Variants in SLC7A6 observed in about 807,000 individuals in gnomAD.
SLC7A6 encodes solute carrier family 7 member 6, also known as Y+L amino acid transporter 2.
SLC7A6 carries 29 observed loss-of-function variants against 46.6 expected under a neutral mutation model. The ratio of observed to expected loss-of-function variants is 0.62; its 90% CI spans 0.46 to 0.85. SLC7A6 has a LOEUF of 0.85. Ranked by LOEUF, SLC7A6 falls within the 40% of genes least tolerant of loss-of-function variation. The pLI is 0.00. For missense variants in SLC7A6, 527 were observed against 647.6 expected, an observed-to-expected ratio of 0.81 and a Z score of 2.02; for synonymous variants, 276 against 257.3, an observed-to-expected ratio of 1.07 and a Z score of -0.70.
At chr16:68,266,984 G>A (rs2042544459) in intron 2 of SLC7A6, among the ~76,000 whole-genome samples, 1 of 151,760 alleles carries the variant, frequency 6.6e-6, no homozygotes. Flanking sequence ...ACCCAGGCTG[G>A]GGTGTGGTGG....
chr16:68,290,640 C>A, intron 5 of SLC7A6, 100 bp downstream of exon 5: 1 of 1,321,384 alleles, frequency 7.6e-7, no homozygotes, highest in Non-Finnish European at 1.1e-6. Context: ...TCCGACTCTC[C>A]TCCCCTCTTC....
At chr16:68,296,093 C>T (rs971327706) in intron 8 of SLC7A6, among the ~76,000 whole-genome samples, 2 of 152,090 alleles carry the variant, frequency 1.3e-5, no homozygotes, top group African/African-American at 2.4e-5. Context: ...AGGGCCTCAG[C>T]GTCTGCCTTT....
chr16:68,296,254 G>A (rs2043163058), intron 8 of SLC7A6, 110 bp from the exon 9 acceptor site: 3 of 1,218,416 alleles, frequency 2.5e-6, no homozygotes, highest in Non-Finnish European at 3.5e-6. Context: ...AAGAGCCAGA[G>A]GTAATCTGGT....
chr16:68,296,303 G>T, intron 8 of SLC7A6, 61 bp from the exon 9 acceptor site: 1 of 1,596,962 alleles, frequency 6.3e-7, no homozygotes, highest in Non-Finnish European at 8.6e-7. Flanking sequence ...CTGGGTGGGG[G>T]AGTCTCCTGG....
Position 68,274,840 on chromosome 16 carries a change from T to A in SLC7A6, c.114T>A (p.Thr38=). 6.2e-7 allele frequency: 1 copy of A among 1,614,138 alleles called. No homozygotes were observed. Among genetic ancestry groups the A allele is most frequent in the South Asian group, 1.1e-5 (1 of 91,070 alleles). ...CGCCACCTCAAAGGTCCTCCGAAACTATGCAGCTGAAGAAGGAGATCTCCC... is the reference window on the plus strand; with the variant it reads ...CGCCACCTCAAAGGTCCTCCGAAACAATGCAGCTGAAGAAGGAGATCTCCC... ...VSSPPQRSSE[T]MQLKKEISLL... The change falls in exon 3 of 11, where the codon ACT becomes ACA. Residue 38 remains threonine, a synonymous_variant. Transcript: ENST00000219343.
At chr16:68,296,863 G>A in intron 10 of SLC7A6, 53 bp downstream of exon 10, 2 of 1,589,220 alleles carry the variant, frequency 1.3e-6, no homozygotes, top group Non-Finnish European at 8.6e-7. Flanking sequence ...GCATGCGCAT[G>A]CAGAGGTGGG....
chr16:68,297,305 A>C lies in SLC7A6; in HGVS notation c.1525A>C (p.Lys509Gln). The change falls in exon 11 of 11, where the codon AAG becomes CAG. Residue 509 changes from lysine (K) to glutamine (Q), a missense_variant. Coordinates refer to ENST00000219343, the MANE Select transcript of SLC7A6 (RefSeq NM_003983.6). ...LTELDVAEEKKDERKTD is the reference protein window; with the variant it reads ...LTELDVAEEKQDERKTD ...TGAGCTTGATGTAGCCGAAGAAAAAAAGGATGAGAGGAAAACTGACTAGAG... is the reference window on the plus strand; with the variant it reads ...TGAGCTTGATGTAGCCGAAGAAAAACAGGATGAGAGGAAAACTGACTAGAG... 6.2e-7 allele frequency: 1 copy of C among 1,614,190 alleles called. No individual in the cohort carries two copies. The highest frequency in any genetic ancestry group is 8.5e-7 in the Non-Finnish European group (1 of 1,180,022).
intron 3 of SLC7A6, among the ~76,000 whole-genome samples, chr16:68,284,984 C>T (rs973013074): frequency 2.1e-4 from 32 of 150,184 alleles, no homozygotes; most frequent in Non-Finnish European, 8.9e-5. Context: ...AGTTCTCCCA[C>T]CTCAGCCTCC....
At chr16:68,280,900 A>AT (rs1300465812) in intron 3 of SLC7A6, among the ~76,000 whole-genome samples, 4 of 152,050 alleles carry the variant, frequency 2.6e-5, no homozygotes, top group East Asian at 1.9e-4. Context: ...CGCCTGGCTA[A>AT]TTTTTTGTAT....
At chr16:68,291,095 G>A (rs2043040253) in intron 5 of SLC7A6, 114 bp from the exon 6 acceptor site, 2 of 1,380,758 alleles carry the variant, frequency 1.4e-6, no homozygotes, top group Admixed American at 1.8e-5. Context: ...CTCCCTCAAA[G>A]ACTTGGAGGC....
Position 68,291,157 on chromosome 16 carries a change from G to T in SLC7A6, c.795-52G>T, listed in dbSNP as rs1367553516. The T allele has an allele frequency of 2.1e-5, 34 of 1,612,524 alleles. No homozygotes were observed. The South Asian group carries it at 2.4e-4, about 11-fold the overall frequency. On this transcript the variant is annotated intron_variant, in intron 5 of 10. Transcript: ENST00000219343. The stretch of plus-strand genomic sequence containing the variant: ...TCCCAGTGGAGACTTGATAAACTTT[G>T]TTCCCAAGGAGAGGTTGGTTCTAGG...
intron 3 of SLC7A6, among the ~76,000 whole-genome samples, chr16:68,278,194 A>G (rs2042753169): frequency 6.6e-6 from 1 of 150,726 alleles, no homozygotes; most frequent in Admixed American, 6.6e-5. Context: ...TGACCTCGTG[A>G]TCCGCCTGCT....
At chr16:68,267,835 A>G (rs2042561542) in intron 2 of SLC7A6, among the ~76,000 whole-genome samples, 2 of 152,162 alleles carry the variant, frequency 1.3e-5, no homozygotes, top group East Asian at 1.9e-4. Context: ...GGGAGGGGAG[A>G]AAGGAGGAGG....
intron 1 of SLC7A6, chr16:68,265,587 G>C (rs1406048538): frequency 6.6e-6 from 1 of 152,128 alleles, no homozygotes; most frequent in Non-Finnish European, 1.5e-5. Flanking sequence ...GAGCAGACTT[G>C]AAAGGCTGTG....
intron 2 of SLC7A6, among the ~76,000 whole-genome samples, chr16:68,273,223 GT>G (rs1378429209): frequency 2.0e-5 from 3 of 152,154 alleles, no homozygotes; most frequent in Admixed American, 6.5e-5. Flanking sequence ...ACTCTCTGTG[GT>G]TTCCTTGCTC....
rs1273259256 is a variant in SLC7A6 at position 68,301,172 on chromosome 16, CAT to C, written c.*3845_*3846del. 8 of 1,494,390 alleles carry C rather than the reference CAT, an allele frequency of 5.4e-6. No individual in the cohort carries two copies. Among genetic ancestry groups the C allele is most frequent in the East Asian group, 2.4e-5 (1 of 41,854 alleles). The allele number at this position is 1,494,390 out of a possible 1,614,324, so 92.6% of individuals were successfully genotyped here. A position where few individuals can be genotyped will look rare whatever the true frequency, so the allele number is the denominator to read the frequency against. ...TATGCTTGATATGCTTTTCCTTCCA[CAT>C]GTTAAGCTAGGAAACCTAACAGGAT... On this transcript the variant is annotated 3_prime_UTR_variant, in exon 11 of 11. Coordinates refer to ENST00000219343, the MANE Select transcript of SLC7A6 (RefSeq NM_003983.6).
At chr16:68,270,861 A>ATTTTTTTTTTTTTTTTTTTTTT (rs11301249) in intron 2 of SLC7A6, among the ~76,000 whole-genome samples, 1 of 142,888 alleles carries the variant, frequency 7.0e-6, no homozygotes, top group African/African-American at 2.6e-5. Context: ...TTTATATTGG[A>ATTTTTTTTTTTTTTTTTTTTTT]TTTTTTTTTT....
chr16:68,275,290 G>A, intron 3 of SLC7A6, 41 bp downstream of exon 3: 4 of 1,552,116 alleles, frequency 2.6e-6, no homozygotes, highest in Non-Finnish European at 3.5e-6. Flanking sequence ...GGGGGGTGGG[G>A]GGTACTATAA....
rs1437355859 is a variant in SLC7A6, at chr16:68,299,922, G to C, written c.*2594G>C. The C allele has an allele frequency of 6.6e-6, 1 of 152,162 alleles. No individual in the cohort carries two copies. The highest frequency in any genetic ancestry group is 1.5e-5 in the Non-Finnish European group (1 of 68,024). The allele number at this position is 152,162 out of a possible 1,614,324, so 9.4% of individuals were successfully genotyped here. Reference sequence around the variant, plus strand: ...CTCCATGTAGATAAGAGCAAGTGTAGGCAAAGGTTTAGAAAATGGACATAA... The same window carrying C: ...CTCCATGTAGATAAGAGCAAGTGTACGCAAAGGTTTAGAAAATGGACATAA... On this transcript the variant is annotated 3_prime_UTR_variant, in exon 11 of 11. Coordinates refer to ENST00000219343, the MANE Select transcript of SLC7A6 (RefSeq NM_003983.6).
Sources: allele counts gnomAD v4.1 joint callset (sites outside exome capture counted in the v4.1 genomes callset), GRCh38; gene constraint gnomAD v4.1.1; transcripts MANE v1.5; gene names NCBI Gene and HGNC (gene_info 2026-07-23, HGNC 2026-07-21).